DENND1A: variants seen among roughly 807,000 people sequenced by gnomAD.
DENND1A encodes the protein DENN domain-containing protein 1A.
A neutral mutation model predicts 113.7 loss-of-function variants in DENND1A; 51 were observed. The ratio of observed to expected loss-of-function variants is 0.45; its 90% CI spans 0.36 to 0.57. DENND1A has a LOEUF of 0.57. Among genes scored for constraint, DENND1A ranks in the 20% least tolerant of loss-of-function variants. The probability of loss-of-function intolerance (pLI) is 0.00; values close to 1 mark genes in which losing one functional copy is unlikely to be tolerated. For missense variants in DENND1A, 1,258 were observed against 1,395.9 expected (o/e 0.90, Z 1.57); for synonymous variants, 565 against 570.8 (o/e 0.99, Z 0.14).
intron 5 of DENND1A, among the ~76,000 whole-genome samples, chr9:123,747,589 C>T (rs2069625388): frequency 6.6e-6 from 1 of 152,096 alleles, no homozygotes; most frequent in Non-Finnish European, 1.5e-5. Flanking sequence ...ATTTCCACTG[C>T]ATACTACAAT....
chr9:123,523,994 C>T (rs772799842), intron 13 of DENND1A, among the ~76,000 whole-genome samples: 20 of 152,030 alleles, frequency 1.3e-4, no homozygotes, highest in Non-Finnish European at 2.5e-4. Context: ...GCTGAAACAG[C>T]GTGATGACAG....
chr9:123,586,556 C>T (rs891726647), intron 11 of DENND1A, among the ~76,000 whole-genome samples: 13 of 152,170 alleles, frequency 8.5e-5, no homozygotes, highest in Non-Finnish European at 1.2e-4. Flanking sequence ...GGAGCTGGGA[C>T]GGCACAGTTT....
intron 2 of DENND1A, among the ~76,000 whole-genome samples, chr9:123,867,255 A>T (rs1007518240): frequency 7.9e-5 from 12 of 152,074 alleles, no homozygotes; most frequent in African/African-American, 2.4e-4. Flanking sequence ...AGGTTTTTTT[A>T]AAAAAAGTCT....
intron 1 of DENND1A, among the ~76,000 whole-genome samples, chr9:123,912,065 A>G (rs1407081072): frequency 6.6e-6 from 1 of 152,222 alleles, no homozygotes; most frequent in African/African-American, 2.4e-5. Flanking sequence ...GATAGCCTGT[A>G]TCTTGATCTG....
chr9:123,471,450 A>G (rs1588693805), intron 13 of DENND1A, among the ~76,000 whole-genome samples: 2 of 152,248 alleles, frequency 1.3e-5, no homozygotes, highest in South Asian at 4.1e-4. Context: ...TGCCCAAAGC[A>G]GATGGCAAGT....
intron 13 of DENND1A, among the ~76,000 whole-genome samples, chr9:123,514,574 A>G (rs1267875242): frequency 1.3e-5 from 2 of 152,194 alleles, no homozygotes. Context: ...GTTCCACACA[A>G]ATAACCAAAT....
intron 5 of DENND1A, among the ~76,000 whole-genome samples, chr9:123,694,433 T>G (rs1589697381): frequency 6.6e-6 from 1 of 152,170 alleles, no homozygotes; most frequent in Admixed American, 6.5e-5. Context: ...TCTCATTTTG[T>G]AGCAAAAGAA....
intron 2 of DENND1A, among the ~76,000 whole-genome samples, chr9:123,793,313 T>C (rs1038972083): frequency 1.3e-5 from 2 of 152,078 alleles, no homozygotes; most frequent in East Asian, 1.9e-4. Context: ...TAAAATGGAG[T>C]TACTAAAGGG....
intron 13 of DENND1A, among the ~76,000 whole-genome samples, chr9:123,471,684 T>C (rs1271396546): frequency 6.6e-6 from 1 of 152,060 alleles, no homozygotes; most frequent in Non-Finnish European, 1.5e-5. Flanking sequence ...AGCCTCATCT[T>C]AGAGAGGAAG....
chr9:123,815,631 AAAGG>A (rs1464706643), intron 2 of DENND1A, among the ~76,000 whole-genome samples: 1 of 152,234 alleles, frequency 6.6e-6, no homozygotes, highest in African/African-American at 2.4e-5. Context: ...AATAGCTGAG[AAAGG>A]AAGGGGTAAA....
At chr9:123,887,349 T>C (rs1319370958) in intron 1 of DENND1A, among the ~76,000 whole-genome samples, 2 of 152,078 alleles carry the variant, frequency 1.3e-5, no homozygotes, top group Admixed American at 1.3e-4. Flanking sequence ...ACATCCATGC[T>C]GAGGGATGTC....
At chr9:123,442,855 C>G (rs2047029526) in intron 18 of DENND1A, among the ~76,000 whole-genome samples, 1 of 152,158 alleles carries the variant, frequency 6.6e-6, no homozygotes, top group Admixed American at 6.5e-5. Flanking sequence ...CTACCACCTG[C>G]TTGGCAAACA....
chr9:123,919,178 T>G (rs1046665283), intron 1 of DENND1A, among the ~76,000 whole-genome samples: 6 of 152,092 alleles, frequency 3.9e-5, no homozygotes, highest in Admixed American at 2.0e-4. Context: ...TTTAATAACA[T>G]TAAAATTTTT....
chr9:123,723,733 G>A lies in DENND1A; in HGVS notation c.302+33970C>T, dbSNP rs186245270. ...ATGATTGTGAGGCCTCCCCAGCCACGCAGAACTGTAAATCCATTAAACCTC... is the reference window on the plus strand; with the variant it reads ...ATGATTGTGAGGCCTCCCCAGCCACACAGAACTGTAAATCCATTAAACCTC... On this transcript the variant is annotated intron_variant, in intron 5 of 23. Transcript: ENST00000394215. 2.0e-3 allele frequency among the ~76,000 whole-genome samples: 301 copies of A among 152,240 alleles called. 4 individuals carry two copies. Among genetic ancestry groups the A allele is most frequent in the South Asian group, 7.7e-3 (37 of 4,818 alleles).
At chr9:123,808,108 C>T (rs561117338) in intron 2 of DENND1A, among the ~76,000 whole-genome samples, 1 of 152,068 alleles carries the variant, frequency 6.6e-6, no homozygotes, top group African/African-American at 2.4e-5. Context: ...CACCTGTAAT[C>T]CCAACTACTC....
rs1162672094 is a variant in DENND1A at position 123,683,453 on chromosome 9, C to A, written c.303-6664G>T. Among the ~76,000 whole-genome samples the A allele has an allele frequency of 2.0e-5, 3 of 152,264 alleles. No individual in the cohort carries two copies. In the East Asian group the frequency reaches 5.8e-4, roughly 29 times the overall value. ...TGTTATTAAGTCAGAAAAATTATAA[C>A]CTCCTCTCCCCACAATACTTGATGC... is the stretch of plus-strand genomic sequence containing the variant. On this transcript the variant is annotated intron_variant, in intron 5 of 23. Coordinates refer to ENST00000394215, the MANE Select transcript of DENND1A (RefSeq NM_001352964.2).
In DENND1A at chr9:123,381,534, A is replaced by C; in HGVS notation, c.3111T>G (p.Asp1037Glu). 6.2e-7 allele frequency: 1 copy of C among 1,613,560 alleles called. No individual in the cohort carries two copies. The highest frequency in any genetic ancestry group is 8.5e-7 in the Non-Finnish European group (1 of 1,179,926). The change falls in exon 24 of 24, where the codon GAT becomes GAG. Residue 1037 changes from aspartate to glutamate, a missense_variant. This residue lies in a region of DENND1A where 1,159 missense variants were observed against 1,231.7 expected (regional missense o/e 0.94). Transcript: ENST00000394215. This position sits in a 1 kb window ranked among gnomAD's most constrained non-coding sequence, Gnocchi z 4.7. ...CGTCTTGCTTGGTTTTCTGTAACAAATCCTCAAAGGGGTCTCTGGCCTGTT... is the reference window on the plus strand; with the variant it reads ...CGTCTTGCTTGGTTTTCTGTAACAACTCCTCAAAGGGGTCTCTGGCCTGTT... ...APQQARDPFE[D>E]LLQKTKQDVS... is the part of the protein sequence containing the mutation.
chr9:123,702,229 AAGAC>A (rs1337771106), intron 5 of DENND1A, among the ~76,000 whole-genome samples: 5 of 152,196 alleles, frequency 3.3e-5, no homozygotes, highest in Non-Finnish European at 5.9e-5. Flanking sequence ...TGTGAAGTCA[AAGAC>A]AGGTTATTTG....
chr9:123,504,302 T>G (rs1267125589), intron 13 of DENND1A, among the ~76,000 whole-genome samples: 1 of 152,188 alleles, frequency 6.6e-6, no homozygotes, highest in Non-Finnish European at 1.5e-5. Flanking sequence ...CCTGTTGTAC[T>G]TTAACAAGGG....
Sources: gnomAD v4.1 joint callset for allele counts (sites outside exome capture counted in the v4.1 genomes callset) on GRCh38, gnomAD v4.1.1 for gene constraint, gnomAD v4.1.1 regional missense constraint, Gnocchi (gnomAD v3.1) non-coding constraint, MANE v1.5 for transcripts, NCBI Gene and HGNC (gene_info 2026-07-23, HGNC 2026-07-21) for gene names.